The following ACADM variants were observed in gnomAD, a reference collection of about 807,000 sequenced individuals.
ACADM encodes the protein acyl-CoA dehydrogenase medium chain.
A neutral mutation model predicts 58.9 loss-of-function variants in ACADM; 49 were observed. The ratio of observed to expected loss-of-function variants is 0.83; its 90% CI spans 0.66 to 1.06. ACADM has a LOEUF of 1.06. Among genes scored for constraint, ACADM ranks in the 50% least tolerant of loss-of-function variants. The probability of loss-of-function intolerance (pLI) is 0.00; values close to 1 mark genes in which losing one functional copy is unlikely to be tolerated. For missense variants in ACADM, 496 were observed against 507.0 expected (o/e 0.98, Z 0.21); for synonymous variants, 160 against 157.7 (o/e 1.01, Z -0.11).
intron 7 of ACADM, chr1:75,744,664 T>C: frequency 1.1e-6 from 1 of 870,876 alleles, no homozygotes; most frequent in Non-Finnish European, 2.0e-6. Context: ...ACCTGGTCCC[T>C]GGCATAAGGA....
chr1:75,732,215 T>G (rs1339290589), intron 2 of ACADM, among the ~76,000 whole-genome samples: 1 of 152,232 alleles, frequency 6.6e-6, no homozygotes, highest in Non-Finnish European at 1.5e-5. Context: ...GTTTTATTGC[T>G]TTATGTCACT....
In ACADM at chr1:75,761,270, C is replaced by T; in HGVS notation, c.1094C>T (p.Ala365Val). ...GCAAAGGCATTTGCTGGAGATATTG[C>T]AAATCAGTTAGCTACTGATGCTGTG... Reference protein sequence around the residue: ...SIAKAFAGDIANQLATDAVQI... With the variant: ...SIAKAFAGDIVNQLATDAVQI... Residue 365 changes from alanine to valine, a missense_variant, in exon 11 of 12, where the codon GCA (alanine) becomes GTA (valine). Transcript: ENST00000370841. 6.2e-7 allele frequency: 1 copy of T among 1,614,074 alleles called. No homozygotes were observed. Among genetic ancestry groups the T allele is most frequent in the Non-Finnish European group, 8.5e-7 (1 of 1,179,986 alleles).
chr1:75,750,417 T>C, intron 9 of ACADM, 34 bp from the exon 10 acceptor site: 1 of 1,528,268 alleles, frequency 6.5e-7, no homozygotes, highest in Non-Finnish European at 9.0e-7. Context: ...AAAGATAACA[T>C]GAACTTTTGC....
intron 8 of ACADM, among the ~76,000 whole-genome samples, chr1:75,746,463 G>T (rs1053854872): frequency 6.6e-6 from 1 of 151,948 alleles, no homozygotes; most frequent in East Asian, 1.9e-4. Context: ...TATTTGAAAA[G>T]GTTTGTATTC....
chr1:75,757,812 C>T (rs184953650), intron 10 of ACADM, among the ~76,000 whole-genome samples: 16 of 152,300 alleles, frequency 1.1e-4, no homozygotes, highest in African/African-American at 3.8e-4. Context: ...GCTGGGTATC[C>T]TCCAACTTAG....
intron 5 of ACADM, among the ~76,000 whole-genome samples, chr1:75,734,479 A>G (rs1350026382): frequency 1.3e-5 from 2 of 151,976 alleles, no homozygotes; most frequent in African/African-American, 4.8e-5. Flanking sequence ...CCGGCCTAAC[A>G]AGCAATTCTT....
intron 10 of ACADM, chr1:75,754,914 T>C (rs1648412461): frequency 6.6e-6 from 1 of 152,448 alleles, no homozygotes; most frequent in African/African-American, 2.4e-5. Flanking sequence ...CCCACCCTAA[T>C]ACTGCGCTTT....
intron 7 of ACADM, among the ~76,000 whole-genome samples, chr1:75,742,163 C>T (rs1476730768): frequency 6.6e-6 from 1 of 151,304 alleles, no homozygotes; most frequent in Non-Finnish European, 1.5e-5. Flanking sequence ...CCTCCCCACC[C>T]CCAGGCCTCA....
intron 7 of ACADM, chr1:75,743,566 G>A (rs1476622294): frequency 1.3e-6 from 2 of 1,591,380 alleles, no homozygotes; most frequent in Non-Finnish European, 1.7e-6. Flanking sequence ...GCCTCCTATA[G>A]CCACTGGCTT....
chr1:75,754,039 G>A (rs879045208), intron 10 of ACADM, among the ~76,000 whole-genome samples: 2 of 147,136 alleles, frequency 1.4e-5, no homozygotes, highest in African/African-American at 2.5e-5. Context: ...TGAGTAATCC[G>A]CCCATCTTGG....
chr1:75,742,477 C>G (rs1414970766), intron 7 of ACADM, among the ~76,000 whole-genome samples: 1 of 152,188 alleles, frequency 6.6e-6, no homozygotes, highest in Non-Finnish European at 1.5e-5. Context: ...CCTCCTCAGC[C>G]CACGGGCTTA....
At chr1:75,727,601 G>A (rs1647076077) in intron 1 of ACADM, among the ~76,000 whole-genome samples, 1 of 77,064 alleles carries the variant, frequency 1.3e-5, no homozygotes, top group African/African-American at 3.8e-5. Flanking sequence ...ATATTTGATT[G>A]TTTGTTTCTT....
intron 6 of ACADM, among the ~76,000 whole-genome samples, chr1:75,739,256 C>T (rs1398012166): frequency 6.6e-6 from 1 of 152,192 alleles, no homozygotes; most frequent in Non-Finnish European, 1.5e-5. Context: ...CTGACTTTCA[C>T]ACATAGAGTT....
intron 10 of ACADM, chr1:75,750,895 C>T (rs559711845): frequency 8.3e-5 from 30 of 359,556 alleles, no homozygotes; most frequent in African/African-American, 3.4e-4. Flanking sequence ...ACTACAGGTG[C>T]GCACCACTAT....
chr1:75,746,840 C>A (rs1321198264), intron 8 of ACADM, among the ~76,000 whole-genome samples: 1 of 152,052 alleles, frequency 6.6e-6, no homozygotes, highest in Non-Finnish European at 1.5e-5. Flanking sequence ...CTCAAGCAAT[C>A]CTCCCACCTT....
intron 8 of ACADM, among the ~76,000 whole-genome samples, chr1:75,748,704 G>A (rs1287688130): frequency 3.3e-5 from 5 of 152,224 alleles, no homozygotes; most frequent in African/African-American, 4.8e-5. Context: ...GTGGTTGCCA[G>A]GGGATAAGTG....
intron 1 of ACADM, among the ~76,000 whole-genome samples, chr1:75,725,055 CTTTAGAATATCGT>C (rs1570844096): frequency 6.6e-6 from 1 of 152,140 alleles, no homozygotes; most frequent in Admixed American, 6.5e-5. Context: ...GGCATCCTCT[CTTTAGAATATCGT>C]TTTTCTTTCT....
Position 75,762,761 on chromosome 1 carries a change from TA to T in ACADM, c.*5del, listed in dbSNP as rs3841786. 14 of 1,572,916 alleles carry T rather than the reference TA, an allele frequency of 8.9e-6. No individual in the cohort carries two copies. Among genetic ancestry groups the T allele is most frequent in the Non-Finnish European group, 1.0e-5 (12 of 1,144,484 alleles). On this transcript the variant is annotated frameshift_variant and stop_lost, in exon 12 of 12. Transcript: ENST00000370841. LOFTEE classifies it high-confidence loss of function. ...TGAACACATTGACAAGTACAAAAAT[TA>T]AAAAAATTACTGTAGAAATATTGAA... ...AREHIDKYKN* is the reference protein window; with the variant it reads ...AREHIDKYKNX
In ACADM at chr1:75,745,575, C is replaced by G. The variant is rs143243328; in HGVS notation, c.600-231C>G. On this transcript the variant is annotated intron_variant, in intron 7 of 11. Coordinates refer to ENST00000370841, the MANE Select transcript of ACADM (RefSeq NM_000016.6). Reference sequence around the variant, plus strand: ...TAACTGAAACCACAGAAAGTGAAACCCCATGGAATGGGGGAGGGCCTACTG... The same window carrying G: ...TAACTGAAACCACAGAAAGTGAAACGCCATGGAATGGGGGAGGGCCTACTG... The G allele has an allele frequency of 1.0e-3, 549 of 531,308 alleles. 7 individuals carry two copies. The East Asian group carries it at 0.016, about 16-fold the overall frequency. The allele number at this position is 531,308 out of a possible 1,614,324, so 32.9% of individuals were successfully genotyped here.
Sources: allele counts gnomAD v4.1 joint callset (sites outside exome capture counted in the v4.1 genomes callset), GRCh38; gene constraint gnomAD v4.1.1; transcripts MANE v1.5; gene names NCBI Gene and HGNC (gene_info 2026-07-23, HGNC 2026-07-21).